The following MBTPS2 variants were observed in gnomAD, a reference collection of about 807,000 sequenced individuals.
MBTPS2 encodes the protein membrane-bound transcription factor site-2 protease.
A neutral mutation model predicts 35.4 loss-of-function variants in MBTPS2; 2 were observed. The ratio of observed to expected loss-of-function variants is 0.06; its 90% CI spans 0.02 to 0.18. The LOEUF (loss-of-function observed/expected upper bound fraction) is 0.18. Ranked by LOEUF, MBTPS2 falls within the 10% of genes least tolerant of loss-of-function variation. MBTPS2 has a pLI of 1.00. For missense variants in MBTPS2, 244 were observed against 386.5 expected (o/e 0.63, Z 3.09); for synonymous variants, 125 against 140.4 (o/e 0.89, Z 0.77).
chrX:21,849,076 C>T (rs184005590), intron 3 of MBTPS2, among the ~76,000 whole-genome samples: 145 of 111,309 alleles, frequency 1.3e-3, no homozygotes, highest in African/African-American at 4.3e-3. Context: ...TAAGAAGGTA[C>T]GGAGATTTCC....
intron 7 of MBTPS2, among the ~76,000 whole-genome samples, chrX:21,873,375 T>C (rs1219870689): frequency 1.8e-5 from 2 of 112,425 alleles, no homozygotes; most frequent in Non-Finnish European, 3.8e-5. Context: ...GTGATTTAAA[T>C]AGAACTGAAA....
chrX:21,874,001 G>GTGTATA (rs1555985324), intron 7 of MBTPS2, among the ~76,000 whole-genome samples: 2 of 60,845 alleles, frequency 3.3e-5, no homozygotes, highest in Admixed American at 2.5e-4. Flanking sequence ...GTGTGTGTGT[G>GTGTATA]TATATATATA....
At chrX:21,851,751 T>A in intron 4 of MBTPS2, 139 bp downstream of exon 4, 3 of 489,863 alleles carry the variant, frequency 6.1e-6, no homozygotes, top group Non-Finnish European at 1.1e-5. Context: ...TAGCCATCAT[T>A]TGTTACTTTG....
chrX:21,856,283 GCC>G, intron 5 of MBTPS2: 2 of 281,386 alleles, frequency 7.1e-6, no homozygotes, highest in South Asian at 5.0e-5. Flanking sequence ...TCAGTCTCGC[GCC>G]TTTCTCTGCA....
At chrX:21,863,093 GAA>G (rs1190986655) in intron 5 of MBTPS2, among the ~76,000 whole-genome samples, 1 of 91,481 alleles carries the variant, frequency 1.1e-5, no homozygotes. Context: ...CCTGTCTCTA[GAA>G]AAAAAAACAC....
rs1265866991 is a variant in MBTPS2 at position 21,877,989 on chromosome X, T to TA, written c.971-52dup. ...TTTTTGTCTTAAAGGCATTTTTTGT[T>TA]ACAAATGTATTTTTATATAAGAGAC... is the stretch of plus-strand genomic sequence containing the variant. On this transcript the variant is annotated intron_variant, in intron 7 of 10. Coordinates refer to ENST00000379484, the MANE Select transcript of MBTPS2 (RefSeq NM_015884.4). 6.9e-4 allele frequency: 569 copies of TA among 823,347 alleles called. 3 individuals carry two copies. The highest frequency in any genetic ancestry group is 1.4e-4 in the Admixed American group (6 of 43,085). 67.9% of individuals were successfully genotyped at this position (823,347 alleles called of 1,213,427 possible).
At chrX:21,840,066 G>C (rs1407265897) in intron 1 of MBTPS2, among the ~76,000 whole-genome samples, 1 of 112,298 alleles carries the variant, frequency 8.9e-6, no homozygotes, top group African/African-American at 3.2e-5. Context: ...GGAGGCGCCA[G>C]TGGTGGGATC....
chrX:21,845,829 T>C (rs1034284941), intron 3 of MBTPS2, among the ~76,000 whole-genome samples: 1 of 112,566 alleles, frequency 8.9e-6, no homozygotes, highest in African/African-American at 3.2e-5. Flanking sequence ...CCTTTCTGAA[T>C]GGTCACTGTG....
At chrX:21,874,020 C>CTTT (rs57913652) in intron 7 of MBTPS2, among the ~76,000 whole-genome samples, 3 of 51,025 alleles carry the variant, frequency 5.9e-5, no homozygotes, top group African/African-American at 8.3e-5. Flanking sequence ...TATATATATA[C>CTTT]TTTTTTTTTT....
chrX:21,845,312 CTCTTCTTCCTCTTCCTCT>C lies in MBTPS2; in HGVS notation c.372_389del (p.Ser131_Ser136del), dbSNP rs1569321348. 5.1e-6 allele frequency: 6 copies of C among 1,185,759 alleles called. No individual in the cohort carries two copies. In the South Asian group the frequency reaches 8.9e-5, roughly 18 times the overall value. ...CTTCCTCCTCTTCTTCCTCTTCCTC[CTCTTCTTCCTCTTCCTCT>C]TCTTCATCTTCTTCCTCTTCCTCGC... On this transcript the variant is annotated inframe_deletion, in exon 3 of 11. Coordinates refer to ENST00000379484, the MANE Select transcript of MBTPS2 (RefSeq NM_015884.4).
Position 21,861,712 on chromosome X carries a change from C to CAA in MBTPS2, c.671-6747_671-6746dup, listed in dbSNP as rs200607987. On this transcript the variant is annotated intron_variant, in intron 5 of 10. Transcript: ENST00000379484. The stretch of plus-strand genomic sequence containing the variant: ...AGACTGTCTCTTTAAAAAAAACAAA[C>CAA]AAAAAAAAACACGAAAAAGCAAAAT... Among the ~76,000 whole-genome samples the CAA allele has an allele frequency of 4.4e-4, 46 of 104,868 alleles. No homozygotes were observed. In the East Asian group the frequency reaches 4.5e-3, roughly 10 times the overall value. The allele number at this position is 104,868 out of a possible 115,157, so 91.1% of individuals were successfully genotyped here. A position where few individuals can be genotyped will look rare whatever the true frequency, so the allele number is the denominator to read the frequency against.
At position 21,885,111 on chromosome X, in the gene MBTPS2, A is replaced by G. The variant is rs751552697; in HGVS notation, c.*2456A>G. The G allele has an allele frequency of 1.3e-5, 10 of 748,737 alleles. No individual in the cohort carries two copies. The highest frequency in any genetic ancestry group is 1.8e-4 in the Admixed American group (2 of 11,381). The allele number at this position is 748,737 out of a possible 1,213,427, so 61.7% of individuals were successfully genotyped here. A position where few individuals can be genotyped will look rare whatever the true frequency, so the allele number is the denominator to read the frequency against. Reference sequence around the variant, plus strand: ...CCTACAATCTGTAAAGAATGTATATATTCTTTTCAGCATCTCAGTTTGAAA... The same window carrying G: ...CCTACAATCTGTAAAGAATGTATATGTTCTTTTCAGCATCTCAGTTTGAAA... On this transcript the variant is annotated 3_prime_UTR_variant, in exon 11 of 11. Transcript: ENST00000379484.
At position 21,882,676 on chromosome X, in the gene MBTPS2, A is replaced by G; in HGVS notation, c.*21A>G. ...GGTAATGTTTGCACTCATCTGACAG[A>G]ATCCCTGAGTTACAGTATACAGCTA... is the stretch of plus-strand genomic sequence containing the variant. On this transcript the variant is annotated 3_prime_UTR_variant, in exon 11 of 11. Coordinates refer to ENST00000379484, the MANE Select transcript of MBTPS2 (RefSeq NM_015884.4). 1 of 1,207,834 alleles carries G rather than the reference A, an allele frequency of 8.3e-7. No homozygotes were observed. Among genetic ancestry groups the G allele is most frequent in the Non-Finnish European group, 1.1e-6 (1 of 892,564 alleles).
Position 21,884,887 on chromosome X carries a change from AG to A in MBTPS2, c.*2235del. ...ATGTTCACATAAAAAAATAACTTGG[AG>A]GGTCTTTGTGTCCCTGGCATATTAT... is the stretch of plus-strand genomic sequence containing the variant. On this transcript the variant is annotated 3_prime_UTR_variant, in exon 11 of 11. Transcript: ENST00000379484. 4 of 747,308 alleles carry A rather than the reference AG, an allele frequency of 5.4e-6. No individual in the cohort carries two copies. The highest frequency in any genetic ancestry group is 6.3e-6 in the Non-Finnish European group (4 of 632,810). The allele number at this position is 747,308 out of a possible 1,213,427, so 61.6% of individuals were successfully genotyped here.
At chrX:21,862,919 CATATATATATAAACATAT>C (rs1232027890) in intron 5 of MBTPS2, among the ~76,000 whole-genome samples, 2,634 of 40,300 alleles carry the variant, frequency 0.065, 135 homozygotes, top group East Asian at 0.31. Flanking sequence ...AATATATAAA[CATATATATATAAACATAT>C]ATATATATAT....
chrX:21,845,415 A>C (rs368054850), intron 3 of MBTPS2, 31 bp downstream of exon 3: 68 of 1,150,760 alleles, frequency 5.9e-5, no homozygotes, highest in Middle Eastern at 2.6e-4. Flanking sequence ...TTAAATAACT[A>C]TCGAAATAGA....
At chrX:21,862,800 G>A (rs1350933622) in intron 5 of MBTPS2, among the ~76,000 whole-genome samples, 2 of 96,728 alleles carry the variant, frequency 2.1e-5, no homozygotes, top group African/African-American at 3.7e-5. Context: ...GACAGAACGA[G>A]ACTCCGTCTC....
intron 5 of MBTPS2, chrX:21,856,781 C>T (rs1193577485): frequency 8.3e-7 from 1 of 1,211,808 alleles, no homozygotes; most frequent in South Asian, 1.8e-5. Context: ...AGCTAGGCAA[C>T]GACTTGGAGG....
chrX:21,882,845 T>C lies in MBTPS2; in HGVS notation c.*190T>C. ...TGTGGTAGAAGATAAGCAGAAGAAA[T>C]GAAAGGCATAGTCCCTGACTATATT... On this transcript the variant is annotated 3_prime_UTR_variant, in exon 11 of 11. Coordinates refer to ENST00000379484, the MANE Select transcript of MBTPS2 (RefSeq NM_015884.4). 9.1e-7 allele frequency: 1 copy of C among 1,098,488 alleles called. No homozygotes were observed. The highest frequency in any genetic ancestry group is 1.8e-5 in the African/African-American group (1 of 54,556). The allele number at this position is 1,098,488 out of a possible 1,213,427, so 90.5% of individuals were successfully genotyped here.
Sources: gnomAD v4.1 joint callset for allele counts (sites outside exome capture counted in the v4.1 genomes callset) on GRCh38, gnomAD v4.1.1 for gene constraint, MANE v1.5 for transcripts, NCBI Gene and HGNC (gene_info 2026-07-23, HGNC 2026-07-21) for gene names.